Variants in KLRF1 observed in about 807,000 individuals in gnomAD.
KLRF1 encodes the protein killer cell lectin-like receptor subfamily F member 1.
In KLRF1, 27 loss-of-function variants were observed where a neutral mutation model predicts 30.7. The ratio of observed to expected loss-of-function variants is 0.88; its 90% confidence interval spans 0.65 to 1.21. The LOEUF (loss-of-function observed/expected upper bound fraction) is 1.21. KLRF1 is among the 50% of genes most tolerant of loss of function. The probability of loss-of-function intolerance (pLI) is 0.00; values close to 1 mark genes in which losing one functional copy is unlikely to be tolerated. For missense variants in KLRF1, 246 were observed against 259.3 expected (o/e 0.95, Z 0.35); for synonymous variants, 92 against 89.3 (o/e 1.03, Z -0.17).
chr12:9,811,787 T>TCTTA, the KLRF1 span, among the ~76,000 whole-genome samples: 6 of 152,180 alleles, frequency 3.9e-5, no homozygotes, highest in African/African-American at 1.4e-4. Flanking sequence ...GGTATACATG[T>TCTTA]CTTATACAGT....
At chr12:9,802,774 A>G in the KLRF1 span, among the ~76,000 whole-genome samples, 2 of 152,100 alleles carry the variant, frequency 1.3e-5, no homozygotes, top group Non-Finnish European at 2.9e-5. Flanking sequence ...GGACTTCTTC[A>G]AGGAGAACTA....
chr12:9,831,719 C>G lies in KLRF1; in HGVS notation c.86-597C>G, dbSNP rs570554978. On this transcript the variant is annotated intron_variant, in intron 1 of 5. Transcript: ENST00000617889. Reference sequence around the variant, plus strand: ...TCTTGAATAATAATCATTGAACAAGCACTCTTATCTTAAACCTGACAGTGT... The same window carrying G: ...TCTTGAATAATAATCATTGAACAAGGACTCTTATCTTAAACCTGACAGTGT... Among the ~76,000 whole-genome samples, 210 of 152,198 alleles carry G rather than the reference C, an allele frequency of 1.4e-3. 1 individual carries two copies. The highest frequency in any genetic ancestry group is 2.2e-3 in the Non-Finnish European group (149 of 67,966).
upstream of KLRF1, among the ~76,000 whole-genome samples, chr12:9,825,722 G>A (rs560442823): frequency 6.6e-6 from 1 of 152,166 alleles, no homozygotes; most frequent in Non-Finnish European, 1.5e-5. Flanking sequence ...TATCAACAGA[G>A]TGAACAGATA....
upstream of KLRF1, among the ~76,000 whole-genome samples, chr12:9,823,701 GT>G (rs1266897924): frequency 2.0e-5 from 3 of 150,276 alleles, no homozygotes; most frequent in Non-Finnish European, 4.4e-5. Flanking sequence ...AAATCCAGGG[GT>G]TGGTTTTTTG....
At chr12:9,834,495 C>G (rs1192086795) in intron 3 of KLRF1, among the ~76,000 whole-genome samples, 2 of 151,944 alleles carry the variant, frequency 1.3e-5, no homozygotes, top group African/African-American at 4.8e-5. Flanking sequence ...GCGTGGGAAC[C>G]TAGAGTGGGA....
At chr12:9,838,705 T>G (rs927522381) in intron 3 of KLRF1, among the ~76,000 whole-genome samples, 3 of 152,160 alleles carry the variant, frequency 2.0e-5, no homozygotes, top group Non-Finnish European at 4.4e-5. Context: ...TGGTGTGGCC[T>G]ATGTTTAAAG....
upstream of KLRF1, among the ~76,000 whole-genome samples, chr12:9,822,793 A>G (rs1001132358): frequency 6.6e-6 from 1 of 152,038 alleles, no homozygotes; most frequent in African/African-American, 2.4e-5. Flanking sequence ...GCAAATGAAA[A>G]TCAGTAAAAA....
intron 3 of KLRF1, among the ~76,000 whole-genome samples, chr12:9,841,538 TA>T (rs1867702915): frequency 6.6e-6 from 1 of 152,112 alleles, no homozygotes; most frequent in African/African-American, 2.4e-5. Flanking sequence ...ATAGCTATTT[TA>T]TTTTGTTCAT....
chr12:9,838,955 CT>C, intron 3 of KLRF1, among the ~76,000 whole-genome samples: 1 of 152,170 alleles, frequency 6.6e-6, no homozygotes, highest in Admixed American at 6.5e-5. Context: ...TGCCCTCCCC[CT>C]AATTTATATA....
At chr12:9,821,041 C>T in the KLRF1 span, among the ~76,000 whole-genome samples, 1 of 152,110 alleles carries the variant, frequency 6.6e-6, no homozygotes, top group African/African-American at 2.4e-5. Context: ...CCAACAGCTC[C>T]TCTGCCACAG....
At chr12:9,816,479 T>A in the KLRF1 span, among the ~76,000 whole-genome samples, 6 of 151,904 alleles carry the variant, frequency 3.9e-5, no homozygotes, top group Non-Finnish European at 7.4e-5. Flanking sequence ...CCAACTGGTG[T>A]CATTAGTGTG....
chr12:9,838,702 G>C (rs954396562), intron 3 of KLRF1, among the ~76,000 whole-genome samples: 1 of 152,122 alleles, frequency 6.6e-6, no homozygotes, highest in Non-Finnish European at 1.5e-5. Context: ...TCCTGGTGTG[G>C]CCTATGTTTA....
the KLRF1 span, among the ~76,000 whole-genome samples, chr12:9,820,039 A>G: frequency 1.3e-4 from 20 of 152,222 alleles, no homozygotes; most frequent in Admixed American, 9.2e-4. Context: ...AACACAGCAC[A>G]GCTGCTTTAC....
the KLRF1 span, among the ~76,000 whole-genome samples, chr12:9,803,368 A>G: frequency 8.5e-5 from 13 of 152,114 alleles, no homozygotes; most frequent in African/African-American, 3.1e-4. Context: ...CTGGAAGAAA[A>G]CCTTTTCATT....
chr12:9,821,653 G>A, the KLRF1 span, among the ~76,000 whole-genome samples: 1 of 152,196 alleles, frequency 6.6e-6, no homozygotes, highest in Admixed American at 6.5e-5. Flanking sequence ...CTGCCTCCAA[G>A]TTGGAGAGGA....
the KLRF1 span, among the ~76,000 whole-genome samples, chr12:9,820,892 C>T: frequency 6.6e-6 from 1 of 152,144 alleles, no homozygotes; most frequent in Admixed American, 6.5e-5. Context: ...AGCCCCTTTT[C>T]CCTGAGAACT....
At chr12:9,834,040 A>G (rs938211056) in intron 3 of KLRF1, among the ~76,000 whole-genome samples, 5 of 148,496 alleles carry the variant, frequency 3.4e-5, no homozygotes, top group Admixed American at 6.7e-5. Context: ...TAGGTAAAGG[A>G]AAATTACAGT....
chr12:9,820,500 G>A, the KLRF1 span, among the ~76,000 whole-genome samples: 4 of 152,150 alleles, frequency 2.6e-5, no homozygotes, highest in Admixed American at 6.5e-5. Flanking sequence ...CATCTTTGCC[G>A]TCTTGCATCC....
chr12:9,824,430 T>TA (rs1256719820), upstream of KLRF1, among the ~76,000 whole-genome samples: 1 of 152,160 alleles, frequency 6.6e-6, no homozygotes, highest in Non-Finnish European at 1.5e-5. Flanking sequence ...GCTTTCATGT[T>TA]AAAATCACTC....
Sources: allele counts gnomAD v4.1 joint callset (sites outside exome capture counted in the v4.1 genomes callset), GRCh38; gene constraint gnomAD v4.1.1; transcripts MANE v1.5; gene names NCBI Gene and HGNC (gene_info 2026-07-23, HGNC 2026-07-21).